The following FANCA variants were observed in gnomAD, a reference collection of about 807,000 sequenced individuals.
The protein encoded by FANCA is Fanconi anemia group A protein.
Under a neutral mutation model 194.3 loss-of-function variants are expected in FANCA, and 236 were observed. The observed-to-expected ratio is 1.21, with a 90% CI of 1.09 to 1.35. FANCA has a LOEUF of 1.35. Ranked by LOEUF, FANCA falls within the 40% of genes most tolerant of loss-of-function variation. The pLI, the probability that FANCA is intolerant of heterozygous loss-of-function variation, is 0.00. For synonymous variants in FANCA, 1,014 were observed against 715.8 expected (o/e 1.42, Z -6.65); for missense variants, 2,628 against 1,813.9 (o/e 1.45, Z -8.15).
In FANCA at chr16:89,740,860, C is replaced by T; in HGVS notation, c.3772G>A (p.Val1258Ile). 1.2e-6 allele frequency: 2 copies of T among 1,612,722 alleles called. No individual in the cohort carries two copies. The highest frequency in any genetic ancestry group is 1.6e-4 in the Middle Eastern group (1 of 6,062). Residue 1258 changes from valine to isoleucine, a missense_variant, in exon 38 of 43, where the codon GTT (valine) becomes ATT (isoleucine). By Grantham distance (29) the Val-to-Ile change is conservative. Transcript: ENST00000389301. ...ATCAAGGAGAAGAAGAAAAGGAAAA[C>T]CAATAGCTGTAAATAAAAACGTGCA... ...KLDCEREELL[V>I]FLFFFSLMGL... is the part of the protein sequence containing the mutation.
At position 89,791,551 on chromosome 16, in the gene FANCA, T is replaced by C; in HGVS notation, c.1226-15A>G. 6.2e-7 allele frequency: 1 copy of C among 1,613,860 alleles called. No individual in the cohort carries two copies. The highest frequency in any genetic ancestry group is 1.7e-4 in the Middle Eastern group (1 of 6,028). Reference sequence around the variant, plus strand: ...CGCCACCCAGTCTAGTTAAGAACCATGACATAGTCACAGCAAGGCAAGGGC... The same window carrying C: ...CGCCACCCAGTCTAGTTAAGAACCACGACATAGTCACAGCAAGGCAAGGGC... On this transcript the variant is annotated splice_polypyrimidine_tract_variant and intron_variant, in intron 13 of 42. Coordinates refer to ENST00000389301, the MANE Select transcript of FANCA (RefSeq NM_000135.4).
intron 29 of FANCA, among the ~76,000 whole-genome samples, chr16:89,759,936 TGGGTGCTCCACCCACGCTGTGCGGGACCG>T (rs1410540435): frequency 5.3e-5 from 8 of 149,838 alleles, no homozygotes; most frequent in Admixed American, 2.0e-4. Flanking sequence ...GTGCGGGACC[TGGGTGCTCCACCCACGCTGTGCGGGACCG>T]GGGTGCTCCA....
chr16:89,737,586 TCCTGAAATGCACA>T lies in FANCA; in HGVS notation c.*1002_*1014del. On this transcript the variant is annotated 3_prime_UTR_variant, in exon 43 of 43. Coordinates refer to ENST00000389301, the MANE Select transcript of FANCA (RefSeq NM_000135.4). The stretch of plus-strand genomic sequence containing the variant: ...CTTTCTGAGGTTTCTTTAAAAACCA[TCCTGAAATGCACA>T]CAGCTGATGAAGCCACGTGACAGTG... 1 of 774,746 alleles carries T rather than the reference TCCTGAAATGCACA, an allele frequency of 1.3e-6. No individual in the cohort carries two copies. Among genetic ancestry groups the T allele is most frequent in the Middle Eastern group, 4.0e-4 (1 of 2,512 alleles). 48.0% of individuals were successfully genotyped at this position (774,746 alleles called of 1,614,324 possible).
chr16:89,740,264 G>A (rs2062095865), intron 38 of FANCA, 165 bp from the exon 39 acceptor site: 1 of 682,448 alleles, frequency 1.5e-6, no homozygotes, highest in East Asian at 2.7e-5. Flanking sequence ...CCTCTGGACA[G>A]AAGAGGCTCA....
Position 89,770,574 on chromosome 16 carries a change from G to C in FANCA, c.2212C>G (p.Pro738Ala), listed in dbSNP as rs751015814. 1 of 1,610,336 alleles carries C rather than the reference G, an allele frequency of 6.2e-7. No individual in the cohort carries two copies. The highest frequency in any genetic ancestry group is 8.5e-7 in the Non-Finnish European group (1 of 1,178,408). The change falls in exon 24 of 43, where the codon CCC (proline) becomes GCC (alanine). Residue 738 changes from proline (P) to alanine (A), a missense_variant. Physicochemically the swap from Pro to Ala is conservative, Grantham distance 27. Coordinates refer to ENST00000389301, the MANE Select transcript of FANCA (RefSeq NM_000135.4). ...QNLMAASSVA[P>A]PERQGPWAAL... ...TGCCCGCGCCTTCACCTCTCCGGGGGAGCGACACTGGAGGCAGCCATCAGG... is the reference window on the plus strand; with the variant it reads ...TGCCCGCGCCTTCACCTCTCCGGGGCAGCGACACTGGAGGCAGCCATCAGG...
At chr16:89,774,813 G>A (rs1009258328) in intron 21 of FANCA, among the ~76,000 whole-genome samples, 1 of 150,664 alleles carries the variant, frequency 6.6e-6, no homozygotes, top group African/African-American at 2.4e-5. Context: ...CACACAAGGG[G>A]CTGGGTACGG....
chr16:89,810,455 T>G, intron 5 of FANCA: 1 of 477,678 alleles, frequency 2.1e-6, no homozygotes, highest in South Asian at 2.2e-5. Context: ...TACCCAAGGC[T>G]AAACGTGTTT....
chr16:89,797,598 C>A (rs1228854331), intron 10 of FANCA, among the ~76,000 whole-genome samples: 6 of 152,082 alleles, frequency 3.9e-5, no homozygotes, highest in African/African-American at 1.2e-4. Context: ...TATTGGCAGG[C>A]CAGGTGCGGT....
At chr16:89,762,217 G>T (rs2038975566) in intron 28 of FANCA, among the ~76,000 whole-genome samples, 195 bp from the exon 29 acceptor site, 1 of 152,184 alleles carries the variant, frequency 6.6e-6, no homozygotes, top group Non-Finnish European at 1.5e-5. Flanking sequence ...GATTTCCCTA[G>T]CACAAAGATG....
intron 28 of FANCA, 81 bp downstream of exon 28, chr16:89,764,809 G>A (rs1260069567): frequency 2.7e-6 from 4 of 1,498,400 alleles, no homozygotes. Flanking sequence ...TCACCTACGT[G>A]CTGCTGTTCT....
intron 8 of FANCA, among the ~76,000 whole-genome samples, chr16:89,800,240 C>G (rs1233656066): frequency 6.6e-6 from 1 of 152,240 alleles, no homozygotes; most frequent in African/African-American, 2.4e-5. Flanking sequence ...TGAATCTGGG[C>G]TGTGGAACTA....
At chr16:89,791,035 T>G (rs1294228875) in intron 14 of FANCA, 44 of 190,308 alleles carry the variant, frequency 2.3e-4, no homozygotes, top group African/African-American at 7.3e-4. Flanking sequence ...TTTTTTTTTT[T>G]TTTTTTTTTT....
At chr16:89,796,888 T>C (rs574220251) in intron 10 of FANCA, among the ~76,000 whole-genome samples, 3 of 151,870 alleles carry the variant, frequency 2.0e-5, no homozygotes, top group East Asian at 1.9e-4. Flanking sequence ...GCCAGGCGCA[T>C]TGGCTCACAC....
intron 30 of FANCA, among the ~76,000 whole-genome samples, chr16:89,757,125 A>G (rs577095012): frequency 1.3e-5 from 2 of 150,952 alleles, no homozygotes; most frequent in Non-Finnish European, 2.9e-5. Context: ...ATAGGCACAC[A>G]CTACCATGCC....
intron 20 of FANCA, among the ~76,000 whole-genome samples, chr16:89,777,236 G>C (rs1288264857): frequency 1.3e-5 from 2 of 151,670 alleles, no homozygotes; most frequent in African/African-American, 4.8e-5. Flanking sequence ...ATCAAGGCTG[G>C]CTGGGTGTGG....
At chr16:89,755,564 A>C (rs1477465522) in intron 30 of FANCA, among the ~76,000 whole-genome samples, 2 of 152,226 alleles carry the variant, frequency 1.3e-5, no homozygotes, top group African/African-American at 4.8e-5. Context: ...ACTAAAAATA[A>C]ATGATCTGGA....
chr16:89,790,860 C>T (rs1299149558), intron 14 of FANCA, among the ~76,000 whole-genome samples: 1 of 151,794 alleles, frequency 6.6e-6, no homozygotes, highest in Non-Finnish European at 1.5e-5. Flanking sequence ...GATGGAGTCT[C>T]CTTCTGTCAC....
Position 89,771,711 on chromosome 16 carries a change from G to C in FANCA, c.2118C>G (p.Ile706Met), listed in dbSNP as rs759592118. 1.1e-5 allele frequency: 17 copies of C among 1,614,148 alleles called. No homozygotes were observed. Among genetic ancestry groups the C allele is most frequent in the Non-Finnish European group, 1.4e-5 (17 of 1,180,030 alleles). The change falls in exon 23 of 43, where the codon ATC becomes ATG. Residue 706 changes from isoleucine to methionine, a missense_variant. Transcript: ENST00000389301. ...CCCGTGGCTCCAGTCTCGGCGTGTTGATGCTGAGCTGAATCTTTGATATCT... is the reference window on the plus strand; with the variant it reads ...CCCGTGGCTCCAGTCTCGGCGTGTTCATGCTGAGCTGAATCTTTGATATCT... ...SVEISKIQLS[I>M]NTPRLEPREH...
intron 21 of FANCA, among the ~76,000 whole-genome samples, chr16:89,774,729 C>CAAAAGAAAAAAAAAAAAAA (rs2039439815): frequency 4.5e-5 from 1 of 22,200 alleles, no homozygotes; most frequent in African/African-American, 1.6e-4. Flanking sequence ...GACTCTGTCT[C>CAAAAGAAAAAAAAAAAAAA]AAAAAAAAAA....
Sources: gnomAD v4.1 joint callset for allele counts (sites outside exome capture counted in the v4.1 genomes callset) on GRCh38, gnomAD v4.1.1 for gene constraint, MANE v1.5 for transcripts, NCBI Gene and HGNC (gene_info 2026-07-23, HGNC 2026-07-21) for gene names.